The following PDE1C variants were observed in gnomAD, a reference collection of about 807,000 sequenced individuals.
The protein encoded by PDE1C is phosphodiesterase 1C.
In PDE1C, 62 loss-of-function variants were observed where a neutral mutation model predicts 93.1. The observed-to-expected ratio is 0.67, with a 90% CI of 0.54 to 0.82. The LOEUF is 0.82. PDE1C is among the 40% of genes least tolerant of loss of function. The pLI, the probability that PDE1C is intolerant of heterozygous loss-of-function variation, is 0.00. For missense variants in PDE1C, 742 were observed against 884.6 expected (o/e 0.84, Z 2.04); for synonymous variants, 325 against 310.1 (o/e 1.05, Z -0.50).
intron 1 of PDE1C, among the ~76,000 whole-genome samples, chr7:32,394,708 T>TGAGGTG (rs1441608064): frequency 2.6e-5 from 4 of 152,136 alleles, no homozygotes; most frequent in African/African-American, 4.8e-5. Context: ...ATCAGGAGGT[T>TGAGGTG]GAGGTGGAGG....
At chr7:31,848,183 T>G in intron 8 of PDE1C, 87 bp from the exon 9 acceptor site, 1 of 1,304,502 alleles carries the variant, frequency 7.7e-7, no homozygotes, top group Non-Finnish European at 1.1e-6. Flanking sequence ...CACCACCACT[T>G]TTTTCCATGT....
At chr7:31,755,570 T>C (rs1425897259) in intron 17 of PDE1C, among the ~76,000 whole-genome samples, 1 of 79,524 alleles carries the variant, frequency 1.3e-5, no homozygotes, top group South Asian at 4.3e-4. Context: ...ATTTGAAGTG[T>C]TCAAAAAAAA....
At chr7:31,930,848 C>CCA (rs1804113526) in intron 2 of PDE1C, among the ~76,000 whole-genome samples, 30 of 32,642 alleles carry the variant, frequency 9.2e-4, no homozygotes, top group African/African-American at 5.1e-3. Flanking sequence ...GACTCTGTCT[C>CCA]AAAAAAAAAA....
intron 1 of PDE1C, among the ~76,000 whole-genome samples, chr7:32,294,461 T>C (rs544660701): frequency 1.1e-4 from 16 of 152,226 alleles, no homozygotes; most frequent in Non-Finnish European, 2.4e-4. Flanking sequence ...AGGTCATCAC[T>C]GAGGGCAGGA....
chr7:31,902,661 G>A (rs950872783), intron 2 of PDE1C, among the ~76,000 whole-genome samples: 2 of 151,694 alleles, frequency 1.3e-5, no homozygotes, highest in Non-Finnish European at 1.5e-5. Flanking sequence ...ATGGAAAACA[G>A]CAAAGTTTCC....
At chr7:31,860,379 G>A (rs1583646314) in intron 7 of PDE1C, among the ~76,000 whole-genome samples, 1 of 152,186 alleles carries the variant, frequency 6.6e-6, no homozygotes, top group East Asian at 1.9e-4. Flanking sequence ...CTGAGGTTGA[G>A]AAACCCTGCT....
intron 16 of PDE1C, chr7:31,789,816 G>A (rs1298035488): frequency 6.0e-6 from 6 of 995,656 alleles, no homozygotes; most frequent in Non-Finnish European, 7.2e-6. Context: ...TTAAAGTAAC[G>A]GCATTGACAG....
chr7:31,839,990 T>A (rs1206111195), intron 9 of PDE1C, among the ~76,000 whole-genome samples: 1 of 152,158 alleles, frequency 6.6e-6, no homozygotes, highest in East Asian at 1.9e-4. Context: ...TGAGGTGATA[T>A]CATGCCACTG....
At chr7:32,060,324 C>G (rs1794662418) in intron 1 of PDE1C, among the ~76,000 whole-genome samples, 1 of 152,154 alleles carries the variant, frequency 6.6e-6, no homozygotes, top group Non-Finnish European at 1.5e-5. Flanking sequence ...CCCTTCCTCC[C>G]AACTCTTATC....
At chr7:31,650,489 A>G in the PDE1C span, among the ~76,000 whole-genome samples, 9 of 152,180 alleles carry the variant, frequency 5.9e-5, no homozygotes, top group African/African-American at 2.2e-4. Flanking sequence ...AACGATGACT[A>G]CATCAGGAGC....
rs34769998 is a variant in PDE1C, at chr7:32,282,157, T to TAA, written c.85+16492_85+16493dup. Among the ~76,000 whole-genome samples the TAA allele has an allele frequency of 7.9e-3, 1,070 of 134,710 alleles. 3 individuals carry two copies. Among genetic ancestry groups the TAA allele is most frequent in the Non-Finnish European group, 0.012 (743 of 61,736 alleles). 88.4% of individuals were successfully genotyped at this position (134,710 alleles called of 152,430 possible). Reference sequence around the variant, plus strand: ...ATGTACCCTAGAACTTAAAGTATAATAAAAAAAAAAAAAAGAAAGAAAGAA... The same window carrying TAA: ...ATGTACCCTAGAACTTAAAGTATAATAAAAAAAAAAAAAAAAGAAAGAAAGAA... On this transcript the variant is annotated intron_variant, in intron 1 of 18. Transcript: ENST00000396193.
chr7:32,014,630 G>A (rs1787631669), intron 2 of PDE1C, among the ~76,000 whole-genome samples: 1 of 151,718 alleles, frequency 6.6e-6, no homozygotes, highest in Non-Finnish European at 1.5e-5. Context: ...CTTCCGACAG[G>A]CCCCAGTATG....
the PDE1C span, among the ~76,000 whole-genome samples, chr7:31,740,269 A>G: frequency 6.6e-6 from 1 of 152,252 alleles, no homozygotes; most frequent in African/African-American, 2.4e-5. Context: ...ATGACACAAG[A>G]AAAATAACAA....
chr7:32,089,682 A>T (rs886355380), intron 3 of PDE1C, among the ~76,000 whole-genome samples: 1 of 152,188 alleles, frequency 6.6e-6, no homozygotes, highest in Non-Finnish European at 1.5e-5. Flanking sequence ...GACCTCAGGG[A>T]GTGCATACTG....
At position 32,365,481 on chromosome 7, in the gene PDE1C, C is replaced by G. The variant is rs186325503; in HGVS notation, c.310+62341G>C. On this transcript the variant is annotated intron_variant, in intron 1 of 1. Transcript: ENST00000672256. ...TCTGAGGAACAGCCCCATGGATTGTCCCTGGCAGACACATACCTAGTACAG... is the reference window on the plus strand; with the variant it reads ...TCTGAGGAACAGCCCCATGGATTGTGCCTGGCAGACACATACCTAGTACAG... Among the ~76,000 whole-genome samples, 21 of 152,302 alleles carry G rather than the reference C, an allele frequency of 1.4e-4. 1 individual carries two copies. The East Asian group carries it at 4.1e-3, about 29-fold the overall frequency.
intron 1 of PDE1C, among the ~76,000 whole-genome samples, chr7:32,341,055 C>A (rs1783737416): frequency 1.3e-5 from 2 of 151,830 alleles, no homozygotes; most frequent in South Asian, 4.2e-4. Context: ...ATGTACCACT[C>A]CAGTGGGGGA....
chr7:31,789,304 T>G (rs1584089401), intron 16 of PDE1C: 1 of 152,332 alleles, frequency 6.6e-6, no homozygotes, highest in East Asian at 1.9e-4. Flanking sequence ...ATTAATCCAC[T>G]TCTATCTTGT....
chr7:32,331,509 G>T (rs1208714248), intron 1 of PDE1C, among the ~76,000 whole-genome samples: 1 of 152,158 alleles, frequency 6.6e-6, no homozygotes, highest in African/African-American at 2.4e-5. Context: ...TTGAGTAGGG[G>T]TTCCAAATTT....
intron 3 of PDE1C, among the ~76,000 whole-genome samples, chr7:32,076,640 CT>C (rs972465813): frequency 2.5e-5 from 3 of 121,930 alleles, no homozygotes; most frequent in African/African-American, 9.3e-5. Context: ...GAGACTCCAT[CT>C]CAAAAAAAAA....
Sources: gnomAD v4.1 joint callset for allele counts (sites outside exome capture counted in the v4.1 genomes callset) on GRCh38, gnomAD v4.1.1 for gene constraint, MANE v1.5 for transcripts, NCBI Gene and HGNC (gene_info 2026-07-23, HGNC 2026-07-21) for gene names.